The following OSBPL10 variants were observed in gnomAD, a reference collection of about 807,000 sequenced individuals.
OSBPL10 encodes oxysterol binding protein like 10.
A neutral mutation model predicts 81.7 loss-of-function variants in OSBPL10; 49 were observed. The ratio of observed to expected loss-of-function variants is 0.60; its 90% CI spans 0.48 to 0.76. OSBPL10 has a LOEUF of 0.76. OSBPL10 is among the 30% of genes least tolerant of loss of function. OSBPL10 has a pLI of 0.00. For synonymous variants in OSBPL10, 419 were observed against 383.6 expected (o/e 1.09, Z -1.08); for missense variants, 923 against 987.8 (o/e 0.93, Z 0.88).
chr3:31,879,701 G>A lies in OSBPL10; in HGVS notation c.411C>T (p.His137=), dbSNP rs773901910. 1 of 1,614,196 alleles carries A rather than the reference G, an allele frequency of 6.2e-7. No individual in the cohort carries two copies. Among genetic ancestry groups the A allele is most frequent in the Non-Finnish European group, 8.5e-7 (1 of 1,180,030 alleles). Residue 137 remains histidine, a synonymous_variant, in exon 2 of 12, where the codon CAC becomes CAT. Transcript: ENST00000396556. ...AIVSLSDEAP[H]MLVVYSANGE... Reference sequence around the variant, plus strand: ...CATTAGCAGAGTACACCACCAGCATGTGGGGAGCTTCATCGCTCAGGGACA... The same window carrying A: ...CATTAGCAGAGTACACCACCAGCATATGGGGAGCTTCATCGCTCAGGGACA...
intron 4 of OSBPL10, among the ~76,000 whole-genome samples, chr3:31,797,456 T>C (rs960148879): frequency 2.0e-5 from 3 of 152,188 alleles, no homozygotes; most frequent in Non-Finnish European, 1.5e-5. Context: ...ATTCCAATGA[T>C]CATCATCCTA....
rs1700252710 is a variant in OSBPL10 at position 31,668,648 on chromosome 3, T to C, written c.2090A>G (p.Glu697Gly). 2 of 1,612,382 alleles carry C rather than the reference T, an allele frequency of 1.2e-6. No individual in the cohort carries two copies. The highest frequency in any genetic ancestry group is 3.3e-5 in the Admixed American group (2 of 59,910). ...GACACAGCCCGGTTCTCACCTGGAC[T>C]CCATGGGTCCCTGCTTCTCAAGAGG... ...IRPLEKQGPM[E>G]SRNLWREVTR... Residue 697 changes from glutamate (E) to glycine (G), a missense_variant, in exon 10 of 12, where the codon GAG (glutamate) becomes GGG (glycine). Transcript: ENST00000396556.
At chr3:31,876,831 G>T (rs978411618) in intron 2 of OSBPL10, among the ~76,000 whole-genome samples, 1 of 151,764 alleles carries the variant, frequency 6.6e-6, no homozygotes, top group Non-Finnish European at 1.5e-5. Context: ...TAAAAAGAAA[G>T]CAGGCAAGGA....
intron 1 of OSBPL10, among the ~76,000 whole-genome samples, chr3:31,970,252 T>TC (rs936273482): frequency 2.3e-4 from 35 of 152,216 alleles, no homozygotes; most frequent in African/African-American, 8.2e-4. Flanking sequence ...ACAAGGAAAA[T>TC]TCCAGAGGTT....
chr3:31,708,633 T>C, intron 6 of OSBPL10: 1 of 809,576 alleles, frequency 1.2e-6, no homozygotes, highest in Non-Finnish European at 1.5e-6. Context: ...ACTACATGCT[T>C]GGAAAAAGTA....
At chr3:31,915,941 A>T (rs1696746060) in intron 1 of OSBPL10, among the ~76,000 whole-genome samples, 1 of 149,820 alleles carries the variant, frequency 6.7e-6, no homozygotes. Flanking sequence ...TAAAAAATAT[A>T]AAAAATTAGC....
intron 4 of OSBPL10, chr3:31,797,650 T>A (rs997488398): frequency 4.6e-5 from 16 of 349,226 alleles, no homozygotes; most frequent in Non-Finnish European, 9.4e-5. Context: ...GTCACAGCTA[T>A]TTTTCCACAT....
At position 31,830,278 on chromosome 3, in the gene OSBPL10, C is replaced by T. The variant is rs758033609; in HGVS notation, c.538-47G>A. On this transcript the variant is annotated intron_variant, in intron 3 of 11. Coordinates refer to ENST00000396556, the MANE Select transcript of OSBPL10 (RefSeq NM_017784.5). ...AAAACTCAACAACTGACCTGCAGAACACAACTAAGTGTTGGCTTCTATTCA... is the reference window on the plus strand; with the variant it reads ...AAAACTCAACAACTGACCTGCAGAATACAACTAAGTGTTGGCTTCTATTCA... The T allele has an allele frequency of 5.8e-6, 9 of 1,550,020 alleles. No homozygotes were observed. In the South Asian group the frequency reaches 1.1e-4, roughly 19 times the overall value.
At chr3:31,935,614 C>T (rs1206944455) in intron 1 of OSBPL10, among the ~76,000 whole-genome samples, 3 of 151,564 alleles carry the variant, frequency 2.0e-5, no homozygotes, top group African/African-American at 4.9e-5. Context: ...ACCTCTGTCT[C>T]CTGGGTTCAA....
At chr3:32,021,848 G>T (rs751862590) in intron 2 of OSBPL10, among the ~76,000 whole-genome samples, 13 of 151,948 alleles carry the variant, frequency 8.6e-5, no homozygotes, top group Non-Finnish European at 1.5e-4. Context: ...GCATGGTGGT[G>T]CATGACTGTA....
At chr3:31,780,678 C>G (rs913509271) in intron 4 of OSBPL10, among the ~76,000 whole-genome samples, 8 of 152,094 alleles carry the variant, frequency 5.3e-5, no homozygotes, top group Non-Finnish European at 8.8e-5. Context: ...CAACTATGAA[C>G]ACCTTTATGT....
At chr3:32,051,508 T>C (rs1473009641) in intron 1 of OSBPL10, among the ~76,000 whole-genome samples, 1 of 152,204 alleles carries the variant, frequency 6.6e-6, no homozygotes, top group African/African-American at 2.4e-5. Flanking sequence ...GAAGTTATGG[T>C]AAAATGTCCT....
chr3:31,910,379 A>T (rs1159360194), intron 1 of OSBPL10, among the ~76,000 whole-genome samples: 1 of 152,010 alleles, frequency 6.6e-6, no homozygotes, highest in Admixed American at 6.5e-5. Context: ...TCACGCCTGT[A>T]ATCCCAGAAC....
At chr3:31,988,646 C>G (rs1027116057) in intron 2 of OSBPL10, 10 of 185,294 alleles carry the variant, frequency 5.4e-5, no homozygotes, top group Admixed American at 1.1e-4. Context: ...GTCTTTCTCT[C>G]TCTCTATCAT....
intron 3 of OSBPL10, among the ~76,000 whole-genome samples, chr3:31,833,617 G>C (rs1700297834): frequency 6.6e-6 from 1 of 151,922 alleles, no homozygotes; most frequent in Non-Finnish European, 1.5e-5. Context: ...TACAAGGTCA[G>C]ACTGGTCAGA....
chr3:32,058,329 C>T (rs1037792924), intron 1 of OSBPL10, among the ~76,000 whole-genome samples: 3 of 151,872 alleles, frequency 2.0e-5, no homozygotes, highest in Non-Finnish European at 4.4e-5. Context: ...TTGAACTATT[C>T]TGTTTTGTTT....
At chr3:31,987,674 C>T (rs1243599259) in intron 2 of OSBPL10, among the ~76,000 whole-genome samples, 1 of 152,156 alleles carries the variant, frequency 6.6e-6, no homozygotes, top group Non-Finnish European at 1.5e-5. Context: ...GTTTTCATGG[C>T]ATGGGGAGGG....
At chr3:31,816,557 A>C (rs1212035470) in intron 4 of OSBPL10, among the ~76,000 whole-genome samples, 1 of 152,212 alleles carries the variant, frequency 6.6e-6, no homozygotes, top group Admixed American at 6.5e-5. Context: ...CACAGTGTCC[A>C]GATATTTGGT....
At chr3:31,824,256 T>A (rs1051174399) in intron 4 of OSBPL10, among the ~76,000 whole-genome samples, 2 of 151,878 alleles carry the variant, frequency 1.3e-5, no homozygotes, top group African/African-American at 2.4e-5. Flanking sequence ...AAGGGATAAA[T>A]GGATGCAGGA....
Sources: allele counts gnomAD v4.1 joint callset (sites outside exome capture counted in the v4.1 genomes callset), GRCh38; gene constraint gnomAD v4.1.1; transcripts MANE v1.5; gene names NCBI Gene and HGNC (gene_info 2026-07-23, HGNC 2026-07-21).